Variants in PCDH11X observed in about 807,000 individuals in gnomAD.
PCDH11X encodes protocadherin 11 X-linked, also known as protocadherin-11 X-linked.
In PCDH11X, 18 loss-of-function variants were observed where a neutral mutation model predicts 53.3. That is an observed-to-expected ratio of 0.34 (90% CI 0.23 to 0.50). The LOEUF is 0.50. Ranked by LOEUF, PCDH11X falls within the 20% of genes least tolerant of loss-of-function variation. The probability of loss-of-function intolerance (pLI) is 0.98; values close to 1 mark genes in which losing one functional copy is unlikely to be tolerated. For synonymous variants in PCDH11X, 279 were observed against 393.3 expected (o/e 0.71, Z 3.44); for missense variants, 570 against 1,032.4 (o/e 0.55, Z 6.14).
intron 7 of PCDH11X, among the ~76,000 whole-genome samples, chrX:92,230,634 C>T (rs2067059393): frequency 1.0e-5 from 1 of 96,557 alleles, no homozygotes. Context: ...TGCTGAAAGG[C>T]AATTGCCTTT....
intron 8 of PCDH11X, among the ~76,000 whole-genome samples, chrX:92,294,270 T>C (rs2068561648): frequency 9.1e-6 from 1 of 110,175 alleles, no homozygotes. Flanking sequence ...GCTTCCCACG[T>C]AGCTGGGATA....
chrX:92,318,796 G>C (rs1221553685), intron 8 of PCDH11X, among the ~76,000 whole-genome samples: 3 of 111,500 alleles, frequency 2.7e-5, no homozygotes, highest in Non-Finnish European at 5.7e-5. Context: ...AAACAATTCT[G>C]TAATTGTCAC....
At chrX:92,593,372 C>G (rs1925236066) in intron 10 of PCDH11X, among the ~76,000 whole-genome samples, 1 of 111,678 alleles carries the variant, frequency 9.0e-6, no homozygotes, top group African/African-American at 3.3e-5. Context: ...GTTAAAATTG[C>G]TTGCTTACCA....
At chrX:92,098,852 G>A (rs1437143121) in intron 6 of PCDH11X, among the ~76,000 whole-genome samples, 6 of 109,881 alleles carry the variant, frequency 5.5e-5, no homozygotes, top group Non-Finnish European at 9.5e-5. Flanking sequence ...TCTCCATGTT[G>A]GTCAGGCTGG....
intron 6 of PCDH11X, among the ~76,000 whole-genome samples, chrX:92,010,194 C>A (rs1179325039): frequency 9.1e-6 from 1 of 110,062 alleles, no homozygotes; most frequent in African/African-American, 3.3e-5. Context: ...ATAATATTCT[C>A]TTTCATCAAA....
intron 10 of PCDH11X, among the ~76,000 whole-genome samples, chrX:92,475,359 G>A (rs1030535945): frequency 5.2e-4 from 57 of 110,337 alleles, no homozygotes; most frequent in African/African-American, 1.8e-3. Context: ...GACAGGTCTG[G>A]TGTTGTTAAA....
At chrX:91,806,525 G>A (rs1936113175) in intron 1 of PCDH11X, among the ~76,000 whole-genome samples, 1 of 113,214 alleles carries the variant, frequency 8.8e-6, no homozygotes, top group African/African-American at 3.2e-5. Context: ...ATTTGTGGGA[G>A]TTTTCCTATC....
chrX:92,436,118 A>T (rs2072364992), intron 9 of PCDH11X, among the ~76,000 whole-genome samples: 1 of 109,599 alleles, frequency 9.1e-6, no homozygotes, highest in African/African-American at 3.4e-5. Context: ...AACTTAAACG[A>T]ATTTATAAGA....
At chrX:92,300,877 T>C (rs775154988) in intron 8 of PCDH11X, among the ~76,000 whole-genome samples, 36 of 112,105 alleles carry the variant, frequency 3.2e-4, no homozygotes, top group African/African-American at 1.1e-3. Flanking sequence ...GCTTCATTTC[T>C]GGTACGTTTT....
At chrX:92,071,565 T>C (rs1246600016) in intron 6 of PCDH11X, among the ~76,000 whole-genome samples, 2 of 110,862 alleles carry the variant, frequency 1.8e-5, no homozygotes, top group South Asian at 7.7e-4. Context: ...ATATTTATTG[T>C]AGTTTTCAGT....
chrX:92,541,640 A>G (rs1321040374), intron 10 of PCDH11X, among the ~76,000 whole-genome samples: 1 of 107,929 alleles, frequency 9.3e-6, no homozygotes, highest in East Asian at 3.0e-4. Context: ...CACCCTCTTT[A>G]GATTTTTTTC....
rs372670736 is a variant in PCDH11X, at chrX:91,958,516, T to C, written c.3033+79243T>C. ...CAGATCCATGAGTTGCAAAGATCCA[T>C]GAGAGAAGTGCGGTTTTTCAGGTGG... On this transcript the variant is annotated intron_variant, in intron 6 of 10. Coordinates refer to ENST00000682573, the MANE Select transcript of PCDH11X (RefSeq NM_032968.5). Among the ~76,000 whole-genome samples, 15 of 111,006 alleles carry C rather than the reference T, an allele frequency of 1.4e-4. No homozygotes were observed. The South Asian group carries it at 5.7e-3, about 42-fold the overall frequency.
intron 9 of PCDH11X, among the ~76,000 whole-genome samples, chrX:92,392,729 A>T (rs2071157886): frequency 9.1e-6 from 1 of 110,017 alleles, no homozygotes; most frequent in African/African-American, 3.3e-5. Context: ...GGGTCATTAA[A>T]ACTCAGCCTT....
At chrX:91,836,073 T>C in intron 5 of PCDH11X, 29 bp downstream of exon 5, 1 of 1,160,359 alleles carries the variant, frequency 8.6e-7, no homozygotes, top group Non-Finnish European at 1.2e-6. Context: ...TTGTTAAAGA[T>C]ATCATCTCAT....
rs1434361353 is a variant in PCDH11X at position 92,148,169 on chromosome X, CTTCCTTCTTTCTTTCT to C, written c.3034-53202_3034-53187del. On this transcript the variant is annotated intron_variant, in intron 6 of 10. Coordinates refer to ENST00000682573, the MANE Select transcript of PCDH11X (RefSeq NM_032968.5). ...CCTTCCTTCCTTCCTTCCTTCCTTCCTTCCTTCTTTCTTTCTTTCTTTCTTTCTTTCTTTCTTTCTC... is the reference window on the plus strand; with the variant it reads ...CCTTCCTTCCTTCCTTCCTTCCTTCCTTCTTTCTTTCTTTCTTTCTTTCTC... Among the ~76,000 whole-genome samples the C allele has an allele frequency of 1.1e-3, 19 of 16,690 alleles. 1 individual carries two copies. In the South Asian group the frequency reaches 0.032, roughly 28 times the overall value. 14.5% of individuals were successfully genotyped at this position (16,690 alleles called of 115,157 possible). A position where few individuals can be genotyped will look rare whatever the true frequency, so the allele number is the denominator to read the frequency against.
intron 7 of PCDH11X, among the ~76,000 whole-genome samples, chrX:92,254,065 G>T (rs1439114923): frequency 2.7e-5 from 3 of 111,937 alleles, no homozygotes; most frequent in Non-Finnish European, 5.6e-5. Context: ...ATGTGAGTCT[G>T]TCATATATGG....
intron 7 of PCDH11X, among the ~76,000 whole-genome samples, chrX:92,256,985 T>A (rs759363923): frequency 9.0e-6 from 1 of 111,612 alleles, no homozygotes; most frequent in South Asian, 3.7e-4. Context: ...TAAAGAAATT[T>A]CTGAGACTGG....
intron 9 of PCDH11X, chrX:92,460,068 C>A: frequency 2.1e-6 from 2 of 961,687 alleles, no homozygotes; most frequent in Admixed American, 2.2e-5. Context: ...CCATCGAGGA[C>A]CTGAGGGCTC....
intron 8 of PCDH11X, among the ~76,000 whole-genome samples, chrX:92,385,381 G>A (rs183567522): frequency 0.018 from 1,896 of 103,979 alleles, 49 homozygotes; most frequent in East Asian, 0.081. Flanking sequence ...AACAGAAAAA[G>A]GGATATTGAC....
Sources: gnomAD v4.1 joint callset for allele counts (sites outside exome capture counted in the v4.1 genomes callset) on GRCh38, gnomAD v4.1.1 for gene constraint, MANE v1.5 for transcripts, NCBI Gene and HGNC (gene_info 2026-07-23, HGNC 2026-07-21) for gene names.